The following NEK4 variants were observed in gnomAD, a reference collection of about 807,000 sequenced individuals.
NEK4 encodes the protein serine/threonine-protein kinase Nek4.
A neutral mutation model predicts 98.4 loss-of-function variants in NEK4; 86 were observed. The ratio of observed to expected loss-of-function variants is 0.87; its 90% CI spans 0.73 to 1.05. NEK4 has a LOEUF of 1.05. Ranked by LOEUF, NEK4 falls within the 50% of genes least tolerant of loss-of-function variation. The pLI is 0.00. For missense variants in NEK4, 898 were observed against 950.3 expected (o/e 0.94, Z 0.72); for synonymous variants, 328 against 342.2 (o/e 0.96, Z 0.46).
chr3:52,715,987 G>A (rs1578615037), intron 15 of NEK4, among the ~76,000 whole-genome samples: 1 of 152,294 alleles, frequency 6.6e-6, no homozygotes, highest in East Asian at 1.9e-4. Flanking sequence ...GTGTCCCCTG[G>A]TGCCAGCAGT....
At chr3:52,736,189 G>A (rs180806037) in intron 15 of NEK4, among the ~76,000 whole-genome samples, 2 of 152,288 alleles carry the variant, frequency 1.3e-5, no homozygotes, top group Admixed American at 6.5e-5. Context: ...ACAAGTGCCA[G>A]TAAGTGGTTC....
At chr3:52,759,105 G>GAAAAAAAA (rs201147041) in intron 6 of NEK4, among the ~76,000 whole-genome samples, 3 of 112,604 alleles carry the variant, frequency 2.7e-5, no homozygotes, top group African/African-American at 3.7e-5. Context: ...AAAGAAAAAA[G>GAAAAAAAA]AAAAAAAAAA....
intron 4 of NEK4, among the ~76,000 whole-genome samples, chr3:52,764,353 C>T (rs1049670623): frequency 4.6e-5 from 7 of 151,478 alleles, no homozygotes; most frequent in Admixed American, 3.9e-4. Context: ...AGACTTGGGC[C>T]GGGTGCAGTG....
intron 6 of NEK4, among the ~76,000 whole-genome samples, chr3:52,753,294 T>C (rs1023849738): frequency 1.3e-5 from 2 of 151,990 alleles, no homozygotes; most frequent in Non-Finnish European, 2.9e-5. Flanking sequence ...ACAGTTGAGA[T>C]CCTGTCTCAG....
intron 15 of NEK4, among the ~76,000 whole-genome samples, chr3:52,718,472 CAAAAAAAAAA>C (rs35974184): frequency 1.1e-5 from 1 of 92,434 alleles, no homozygotes; most frequent in Non-Finnish European, 2.2e-5. Context: ...GACTCCGTCT[CAAAAAAAAAA>C]AAAAAAAAAA....
At chr3:52,721,735 CAA>C (rs200229574) in intron 15 of NEK4, among the ~76,000 whole-genome samples, 65 of 78,146 alleles carry the variant, frequency 8.3e-4, no homozygotes, top group Admixed American at 1.3e-3. Flanking sequence ...GACCCTGTCT[CAA>C]AAAAAAAAAA....
chr3:52,725,293 C>T (rs971462870), intron 15 of NEK4, among the ~76,000 whole-genome samples: 14 of 152,044 alleles, frequency 9.2e-5, no homozygotes, highest in African/African-American at 2.4e-4. Context: ...GGGTGGATCA[C>T]GAGGTCAGGA....
chr3:52,712,040 C>A (rs531613389), intron 15 of NEK4, among the ~76,000 whole-genome samples, 171 bp from the exon 16 acceptor site: 1 of 152,180 alleles, frequency 6.6e-6, no homozygotes, highest in East Asian at 1.9e-4. Flanking sequence ...TTCGAAAAGT[C>A]GTAAGAAATT....
intron 15 of NEK4, among the ~76,000 whole-genome samples, chr3:52,735,962 T>C (rs1005955667): frequency 3.9e-5 from 6 of 152,188 alleles, no homozygotes; most frequent in Non-Finnish European, 7.3e-5. Flanking sequence ...TCTAAAGTGA[T>C]TCCTTAGTGG....
chr3:52,745,578 C>CA (rs1426044451), intron 10 of NEK4, among the ~76,000 whole-genome samples: 64 of 135,752 alleles, frequency 4.7e-4, no homozygotes, highest in East Asian at 6.5e-4. Context: ...GACTCCACCT[C>CA]AAAAAAAAAA....
intron 10 of NEK4, among the ~76,000 whole-genome samples, chr3:52,745,411 C>T (rs2097394313): frequency 2.0e-5 from 3 of 151,944 alleles, no homozygotes; most frequent in Admixed American, 2.0e-4. Flanking sequence ...GTAACCCTAT[C>T]TCTACTAAAA....
chr3:52,746,112 C>G lies in NEK4; in HGVS notation c.1776G>C (p.Val592=). 1 of 1,614,144 alleles carries G rather than the reference C, an allele frequency of 6.2e-7. No individual in the cohort carries two copies. Among genetic ancestry groups the G allele is most frequent in the East Asian group, 2.2e-5 (1 of 44,886 alleles). ...TTGAACTGCTCACAGACCCAGTGACCACTCTACGTTGGTTTTCAGCCTCTT... is the reference window on the plus strand; with the variant it reads ...TTGAACTGCTCACAGACCCAGTGACGACTCTACGTTGGTTTTCAGCCTCTT... The part of the protein sequence containing the change: ...TQKEAENQRR[V]VTGSVSSSRS... Residue 592 remains valine, a synonymous_variant, in exon 10 of 16, where the codon GTG becomes GTC. Coordinates refer to ENST00000233027, the MANE Select transcript of NEK4 (RefSeq NM_003157.6).
chr3:52,722,595 A>T (rs1043674819), intron 15 of NEK4, among the ~76,000 whole-genome samples: 10 of 152,184 alleles, frequency 6.6e-5, no homozygotes, highest in African/African-American at 2.4e-4. Context: ...CTAAGATCAG[A>T]TGGCAGACTT....
intron 15 of NEK4, among the ~76,000 whole-genome samples, chr3:52,728,977 A>C (rs942785667): frequency 9.2e-5 from 14 of 151,994 alleles, no homozygotes; most frequent in African/African-American, 3.4e-4. Context: ...TCTGCTCTCG[A>C]ACTGTGATTT....
Position 52,760,949 on chromosome 3 carries a change from GAAAAGA to G in NEK4, c.822-19_822-14del. On this transcript the variant is annotated splice_polypyrimidine_tract_variant and intron_variant, in intron 5 of 15. Transcript: ENST00000233027. ...TTTGGAGGTTTTTCTTTATAAAGAA[GAAAAGA>G]AAGAGTTATTATCAATATACTGAAG... 1.3e-6 allele frequency: 2 copies of G among 1,515,742 alleles called. No homozygotes were observed. The highest frequency in any genetic ancestry group is 2.3e-5 in the East Asian group (1 of 44,348). The allele number at this position is 1,515,742 out of a possible 1,614,324, so 93.9% of individuals were successfully genotyped here. A position where few individuals can be genotyped will look rare whatever the true frequency, so the allele number is the denominator to read the frequency against.
intron 2 of NEK4, 24 bp downstream of exon 2, chr3:52,768,314 G>A: frequency 1.3e-6 from 2 of 1,592,312 alleles, no homozygotes; most frequent in South Asian, 1.1e-5. Flanking sequence ...GAACAAGCTA[G>A]GATGCTATTA....
intron 14 of NEK4, among the ~76,000 whole-genome samples, 184 bp from the exon 15 acceptor site, chr3:52,737,903 C>T (rs1214596640): frequency 6.6e-6 from 1 of 151,764 alleles, no homozygotes; most frequent in Non-Finnish European, 1.5e-5. Flanking sequence ...AAGCTCCACC[C>T]CCTAGGTTCA....
At chr3:52,726,926 G>C (rs1354070988) in intron 15 of NEK4, among the ~76,000 whole-genome samples, 1 of 149,152 alleles carries the variant, frequency 6.7e-6, no homozygotes, top group Non-Finnish European at 1.5e-5. Flanking sequence ...AAGAGGACTT[G>C]AACAATGCAG....
chr3:52,770,773 A>G lies in NEK4; in HGVS notation c.-27T>C. The G allele has an allele frequency of 6.5e-7, 1 of 1,544,792 alleles. No homozygotes were observed. The highest frequency in any genetic ancestry group is 2.4e-5 in the East Asian group (1 of 41,104). On this transcript the variant is annotated 5_prime_UTR_variant, in exon 1 of 16. Transcript: ENST00000233027. ...TTCCCAGCGCTGGCCCAGAGTCGGG[A>G]TGCGGCGGCAGCGGCGGGTAGGGCA...
Sources: allele counts gnomAD v4.1 joint callset (sites outside exome capture counted in the v4.1 genomes callset), GRCh38; gene constraint gnomAD v4.1.1; transcripts MANE v1.5; gene names NCBI Gene and HGNC (gene_info 2026-07-23, HGNC 2026-07-21).